WDR70: variants seen among roughly 807,000 people sequenced by gnomAD.
WDR70 encodes the protein WD repeat domain 70.
WDR70 carries 53 observed loss-of-function variants against 88.6 expected under a neutral mutation model. That is an observed-to-expected ratio of 0.60 (90% CI 0.48 to 0.75). WDR70 has a LOEUF of 0.75. Ranked by LOEUF, WDR70 falls within the 30% of genes least tolerant of loss-of-function variation. The pLI is 0.00. For synonymous variants in WDR70, 280 were observed against 270.0 expected (o/e 1.04, Z -0.36); for missense variants, 610 against 823.2 (o/e 0.74, Z 3.17).
intron 5 of WDR70, among the ~76,000 whole-genome samples, chr5:37,400,945 G>A (rs1749170762): frequency 6.6e-6 from 1 of 152,144 alleles, no homozygotes; most frequent in African/African-American, 2.4e-5. Flanking sequence ...AATCCAGAAA[G>A]TATGAATAAA....
intron 5 of WDR70, among the ~76,000 whole-genome samples, chr5:37,398,152 C>G (rs1749083938): frequency 7.3e-6 from 1 of 136,610 alleles, no homozygotes; most frequent in South Asian, 2.3e-4. Flanking sequence ...GTGGTGGCGC[C>G]ATCTCCGCTC....
intron 13 of WDR70, among the ~76,000 whole-genome samples, chr5:37,720,045 T>A (rs1747764066): frequency 6.6e-6 from 1 of 152,114 alleles, no homozygotes; most frequent in South Asian, 2.1e-4. Flanking sequence ...CTGAGAGATT[T>A]CAAGATATTC....
chr5:37,382,593 G>A (rs1199679246), intron 3 of WDR70, among the ~76,000 whole-genome samples: 5 of 152,046 alleles, frequency 3.3e-5, no homozygotes, highest in Admixed American at 1.3e-4. Flanking sequence ...TGTATTTTTA[G>A]TAGAGATGGG....
intron 9 of WDR70, among the ~76,000 whole-genome samples, chr5:37,571,228 TATC>T (rs1742891463): frequency 6.6e-6 from 1 of 152,222 alleles, no homozygotes; most frequent in South Asian, 2.1e-4. Flanking sequence ...GGATGAACTT[TATC>T]ATATACTCTT....
At chr5:37,512,002 A>G (rs1443779591) in intron 8 of WDR70, among the ~76,000 whole-genome samples, 1 of 152,196 alleles carries the variant, frequency 6.6e-6, no homozygotes, top group Non-Finnish European at 1.5e-5. Context: ...GGTGGCTGAA[A>G]ACAACAGAAA....
intron 9 of WDR70, among the ~76,000 whole-genome samples, chr5:37,585,207 G>T (rs1743332000): frequency 6.6e-6 from 1 of 151,982 alleles, no homozygotes; most frequent in East Asian, 1.9e-4. Context: ...GGCCAGGCTG[G>T]TCTCAAACTC....
At chr5:37,607,050 T>A (rs1371376918) in intron 10 of WDR70, among the ~76,000 whole-genome samples, 1 of 151,224 alleles carries the variant, frequency 6.6e-6, no homozygotes, top group East Asian at 2.0e-4. Context: ...GCAATTCTTA[T>A]GCCTCAGCCT....
intron 17 of WDR70, among the ~76,000 whole-genome samples, chr5:37,749,007 T>C (rs1303817254): frequency 6.6e-6 from 1 of 152,194 alleles, no homozygotes; most frequent in Non-Finnish European, 1.5e-5. Flanking sequence ...ATACTGTTGG[T>C]GGGAATGTAA....
chr5:37,720,182 A>T (rs974096360), intron 13 of WDR70, among the ~76,000 whole-genome samples: 2 of 152,188 alleles, frequency 1.3e-5, no homozygotes, highest in Admixed American at 6.5e-5. Flanking sequence ...ATATCTAATC[A>T]TACCCTTTTC....
intron 9 of WDR70, among the ~76,000 whole-genome samples, chr5:37,530,993 T>A (rs1021179235): frequency 3.3e-5 from 5 of 152,146 alleles, no homozygotes; most frequent in Non-Finnish European, 5.9e-5. Flanking sequence ...TGATAGGTTG[T>A]GTCACTGTCA....
intron 9 of WDR70, among the ~76,000 whole-genome samples, chr5:37,535,775 G>A (rs73749053): frequency 0.015 from 2,325 of 152,220 alleles, 52 homozygotes; most frequent in African/African-American, 0.053. Context: ...CTTCACAGCA[G>A]TCGGATAGGT....
chr5:37,666,312 A>G (rs1372698601), intron 10 of WDR70, among the ~76,000 whole-genome samples: 1 of 152,202 alleles, frequency 6.6e-6, no homozygotes, highest in African/African-American at 2.4e-5. Context: ...TAAAGAAGAA[A>G]AGGTGATATC....
At chr5:37,451,598 T>C (rs1411480421) in intron 7 of WDR70, among the ~76,000 whole-genome samples, 2 of 145,366 alleles carry the variant, frequency 1.4e-5, no homozygotes, top group Non-Finnish European at 3.0e-5. Flanking sequence ...ACTACCACAA[T>C]AGATAACAAG....
intron 10 of WDR70, chr5:37,687,815 A>G: frequency 2.0e-6 from 1 of 495,820 alleles, no homozygotes; most frequent in Non-Finnish European, 3.7e-6. Flanking sequence ...ATGTCTTTCT[A>G]CCTTAGAATC....
intron 10 of WDR70, among the ~76,000 whole-genome samples, chr5:37,676,321 A>T (rs1746206128): frequency 6.6e-6 from 1 of 151,924 alleles, no homozygotes; most frequent in African/African-American, 2.4e-5. Context: ...CCAGTTTTCA[A>T]AGGGAATGCT....
At chr5:37,614,577 G>A (rs893761742) in intron 10 of WDR70, among the ~76,000 whole-genome samples, 1 of 152,078 alleles carries the variant, frequency 6.6e-6, no homozygotes, top group African/African-American at 2.4e-5. Flanking sequence ...TCAAATTTCA[G>A]TGTCCATAAA....
At chr5:37,560,309 G>GTT (rs76674490) in intron 9 of WDR70, among the ~76,000 whole-genome samples, 24 of 151,548 alleles carry the variant, frequency 1.6e-4, no homozygotes, top group Non-Finnish European at 2.7e-4. Context: ...TCAATGAATT[G>GTT]TTTTTTTTAC....
At chr5:37,628,754 A>G (rs989562101) in intron 10 of WDR70, among the ~76,000 whole-genome samples, 1 of 152,184 alleles carries the variant, frequency 6.6e-6, no homozygotes, top group Non-Finnish European at 1.5e-5. Context: ...GTTATTTTGC[A>G]TATCCTTTGT....
intron 2 of WDR70, 38 bp downstream of exon 2, chr5:37,379,592 G>A: frequency 6.2e-7 from 1 of 1,611,320 alleles, no homozygotes; most frequent in Non-Finnish European, 8.5e-7. Flanking sequence ...TCTTCCTTGT[G>A]CAGAGGTTTG....
Sources: allele counts gnomAD v4.1 joint callset (sites outside exome capture counted in the v4.1 genomes callset), GRCh38; gene constraint gnomAD v4.1.1; transcripts MANE v1.5; gene names NCBI Gene and HGNC (gene_info 2026-07-23, HGNC 2026-07-21).